Variants in LPCAT1 observed in about 807,000 individuals in gnomAD.
The protein encoded by LPCAT1 is lysophosphatidylcholine acyltransferase 1.
A neutral mutation model predicts 60.9 loss-of-function variants in LPCAT1; 23 were observed. The ratio of observed to expected loss-of-function variants is 0.38; its 90% CI spans 0.27 to 0.53. The LOEUF (loss-of-function observed/expected upper bound fraction) is 0.53. Among genes scored for constraint, LPCAT1 ranks in the 20% least tolerant of loss-of-function variants. The pLI is 0.82. For missense variants in LPCAT1, 622 were observed against 723.6 expected (o/e 0.86, Z 1.61); for synonymous variants, 340 against 301.1 (o/e 1.13, Z -1.34).
rs1207518595 is a variant in LPCAT1, at chr5:1,483,124, G to A, written c.726+304C>T. Among the ~76,000 whole-genome samples, 2 of 152,192 alleles carry A rather than the reference G, an allele frequency of 1.3e-5. No homozygotes were observed. Among genetic ancestry groups the A allele is most frequent in the African/African-American group, 2.4e-5 (1 of 41,448 alleles). On this transcript the variant is annotated intron_variant, in intron 6 of 13. Coordinates refer to ENST00000283415, the MANE Select transcript of LPCAT1 (RefSeq NM_024830.5). This position sits in a 1 kb window ranked among gnomAD's most constrained non-coding sequence, Gnocchi z 9.2. ...TGTCAGGTTTGGCACACAGAGGAAA[G>A]GGCAGCTTTGTCAGGAGCTATGGAA...
rs1017823521 is a variant in LPCAT1, at chr5:1,463,039, C to T, written c.*612G>A. ...AAAAAAAGGCCTATAAATAAATATC[C>T]TTTGACTCTAAAAGGAAAAATGAAG... On this transcript the variant is annotated 3_prime_UTR_variant, in exon 14 of 14. Coordinates refer to ENST00000283415, the MANE Select transcript of LPCAT1 (RefSeq NM_024830.5). The T allele has an allele frequency of 2.0e-5, 3 of 152,072 alleles. No homozygotes were observed. Among genetic ancestry groups the T allele is most frequent in the African/African-American group, 7.2e-5 (3 of 41,470 alleles). The allele number at this position is 152,072 out of a possible 1,614,324, so 9.4% of individuals were successfully genotyped here.
At chr5:1,515,396 C>T (rs1325806054) in intron 1 of LPCAT1, among the ~76,000 whole-genome samples, 1 of 152,022 alleles carries the variant, frequency 6.6e-6, no homozygotes, top group Non-Finnish European at 1.5e-5. Flanking sequence ...TGCAGGAGCC[C>T]ACAGCCTGCC....
At position 1,463,552 on chromosome 5, in the gene LPCAT1, C is replaced by T. The variant is rs989131486; in HGVS notation, c.*99G>A. ...ACTCGGGCTGAAGACAGTGCCTGTACAGCAGGAGTGAGGAGCGGAGCCCAG... is the reference window on the plus strand; with the variant it reads ...ACTCGGGCTGAAGACAGTGCCTGTATAGCAGGAGTGAGGAGCGGAGCCCAG... On this transcript the variant is annotated 3_prime_UTR_variant, in exon 14 of 14. Coordinates refer to ENST00000283415, the MANE Select transcript of LPCAT1 (RefSeq NM_024830.5). 3.0e-6 allele frequency: 4 copies of T among 1,325,282 alleles called. No homozygotes were observed. Among genetic ancestry groups the T allele is most frequent in the African/African-American group, 1.5e-5 (1 of 68,596 alleles). The allele number at this position is 1,325,282 out of a possible 1,614,324, so 82.1% of individuals were successfully genotyped here. A position where few individuals can be genotyped will look rare whatever the true frequency, so the allele number is the denominator to read the frequency against.
intron 1 of LPCAT1, among the ~76,000 whole-genome samples, chr5:1,520,351 G>C (rs1298993409): frequency 6.6e-6 from 1 of 152,192 alleles, no homozygotes; most frequent in Non-Finnish European, 1.5e-5. Flanking sequence ...AGGGCCACCA[G>C]GCAGGGAGGG....
intron 1 of LPCAT1, among the ~76,000 whole-genome samples, chr5:1,514,273 C>T (rs972544672): frequency 6.6e-6 from 1 of 152,220 alleles, no homozygotes; most frequent in Non-Finnish European, 1.5e-5. Flanking sequence ...GCCTCATCTG[C>T]CCAGTGAGCG....
Position 1,523,773 on chromosome 5 carries a change from C to T in LPCAT1, c.72G>A (p.Leu24=). 5.2e-6 allele frequency: 6 copies of T among 1,152,614 alleles called. No homozygotes were observed. The highest frequency in any genetic ancestry group is 6.4e-6 in the Non-Finnish European group (6 of 933,862). 71.4% of individuals were successfully genotyped at this position (1,152,614 alleles called of 1,614,324 possible). A position where few individuals can be genotyped will look rare whatever the true frequency, so the allele number is the denominator to read the frequency against. ...SSAGASDARL[L]APPGRNPFVH... ...CGAAGGGGTTCCGCCCCGGGGGCGC[C>T]AGCAGCCGAGCGTCGCTGGCCCCTG... is the stretch of plus-strand genomic sequence containing the variant. The change falls in exon 1 of 14, where the codon CTG becomes CTA. Residue 24 remains leucine (L), a synonymous_variant. Transcript: ENST00000283415. This position sits in a 1 kb window ranked among gnomAD's most constrained non-coding sequence, Gnocchi z 7.1.
In LPCAT1 at chr5:1,480,344, C is replaced by A. The variant is rs954073344; in HGVS notation, c.761+598G>T. On this transcript the variant is annotated intron_variant, in intron 7 of 13. Coordinates refer to ENST00000283415, the MANE Select transcript of LPCAT1 (RefSeq NM_024830.5). This position sits in a 1 kb window ranked among gnomAD's most constrained non-coding sequence, Gnocchi z 6.4. The stretch of plus-strand genomic sequence containing the variant: ...ACCAGCGGACCCACATCCTCCCAAA[C>A]GCCTGGAATGGAGCTGCTCTCTCTT... The A allele has an allele frequency of 5.4e-5, 53 of 985,278 alleles. No individual in the cohort carries two copies. In the African/African-American group the frequency reaches 8.9e-4, roughly 17 times the overall value. The allele number at this position is 985,278 out of a possible 1,614,324, so 61.0% of individuals were successfully genotyped here.
At chr5:1,465,961 G>A (rs976265065) in intron 13 of LPCAT1, among the ~76,000 whole-genome samples, 1 of 152,238 alleles carries the variant, frequency 6.6e-6, no homozygotes, top group Non-Finnish European at 1.5e-5. Context: ...AAACCAGTGC[G>A]CACATCCGCA....
chr5:1,505,792 A>G (rs1736167316), intron 1 of LPCAT1, among the ~76,000 whole-genome samples: 1 of 152,154 alleles, frequency 6.6e-6, no homozygotes, highest in South Asian at 2.1e-4. Context: ...TCACACGTCC[A>G]TGCATCCATG....
Position 1,489,846 on chromosome 5 carries a change from T to C in LPCAT1, c.506A>G (p.Tyr169Cys). Residue 169 changes from tyrosine to cysteine, a missense_variant, in exon 4 of 14, where the codon TAT becomes TGT. By Grantham distance (194) the Tyr-to-Cys change is radical. Around this residue, in one of 3 missense-constraint regions of LPCAT1, gnomAD observed 209 missense variants for 325.5 expected, o/e 0.64. Coordinates refer to ENST00000283415, the MANE Select transcript of LPCAT1 (RefSeq NM_024830.5). ...CCGGGACACGAACACAGGCCGTATA[T>C]ACTGGATCAGAGCTGGAAGAGAGGA... ...DIPIWGTLIQYIRPVFVSRSD... is the reference protein window; with the variant it reads ...DIPIWGTLIQCIRPVFVSRSD... 1.9e-6 allele frequency: 3 copies of C among 1,611,822 alleles called. No homozygotes were observed. The highest frequency in any genetic ancestry group is 2.5e-6 in the Non-Finnish European group (3 of 1,177,868).
Position 1,501,068 on chromosome 5 carries a change from G to A in LPCAT1, c.278+393C>T, listed in dbSNP as rs532152031. Among the ~76,000 whole-genome samples the A allele has an allele frequency of 3.9e-5, 6 of 152,378 alleles. No individual in the cohort carries two copies. The South Asian group carries it at 1.2e-3, about 32-fold the overall frequency. ...AGAGCTGAGGGTCTGAGGTGGGAGG[G>A]GTAAGGGGGCTGGCAGTCACAAAGC... On this transcript the variant is annotated intron_variant, in intron 2 of 13. Transcript: ENST00000283415.
intron 13 of LPCAT1, among the ~76,000 whole-genome samples, chr5:1,466,010 G>C (rs1579749728): frequency 6.6e-6 from 1 of 152,212 alleles, no homozygotes; most frequent in Admixed American, 6.5e-5. Context: ...TGTGCACGCA[G>C]CTCTCTCGCG....
At position 1,483,907 on chromosome 5, in the gene LPCAT1, C is replaced by G; in HGVS notation, c.668-421G>C. 6.6e-6 allele frequency among the ~76,000 whole-genome samples: 1 copy of G among 151,338 alleles called. No individual in the cohort carries two copies. The highest frequency in any genetic ancestry group is 1.5e-5 in the Non-Finnish European group (1 of 67,792). ...CATTGCGCACGAGCTGGAAGACATC[C>G]GTGGAGGGACACTTTCTGCTGTAAC... On this transcript the variant is annotated intron_variant, in intron 5 of 13. Transcript: ENST00000283415. The surrounding 1 kb of genome is among the most constrained non-coding windows in gnomAD (Gnocchi z 9.2).
At chr5:1,472,293 T>C (rs950932707) in intron 11 of LPCAT1, among the ~76,000 whole-genome samples, 3 of 152,108 alleles carry the variant, frequency 2.0e-5, no homozygotes, top group East Asian at 3.9e-4. Flanking sequence ...TGACCAGTAG[T>C]TGCCCCTCTA....
chr5:1,463,586 C>A lies in LPCAT1; in HGVS notation c.*65G>T. 6.4e-7 allele frequency: 1 copy of A among 1,567,040 alleles called. No individual in the cohort carries two copies. Among genetic ancestry groups the A allele is most frequent in the Non-Finnish European group, 8.7e-7 (1 of 1,149,714 alleles). ...TGAGGAGCGGAGCCCAGAGGTCACT[C>A]GCAAAGAGGCTCATGGCGGTGATGT... is the stretch of plus-strand genomic sequence containing the variant. On this transcript the variant is annotated 3_prime_UTR_variant, in exon 14 of 14. Coordinates refer to ENST00000283415, the MANE Select transcript of LPCAT1 (RefSeq NM_024830.5).
Position 1,521,608 on chromosome 5 carries a change from T to A in LPCAT1, c.135+2102A>T. 2.8e-6 allele frequency: 1 copy of A among 350,988 alleles called. No individual in the cohort carries two copies. Among genetic ancestry groups the A allele is most frequent in the Non-Finnish European group, 4.0e-6 (1 of 249,904 alleles). The allele number at this position is 350,988 out of a possible 1,614,324, so 21.7% of individuals were successfully genotyped here. The stretch of plus-strand genomic sequence containing the variant: ...ACCCTTGAGCCACACATTGCAGACA[T>A]CCAGCAGAAACGACTGGATGTACAA... On this transcript the variant is annotated intron_variant, in intron 1 of 13. Transcript: ENST00000283415. The surrounding 1 kb of genome is among the most constrained non-coding windows in gnomAD (Gnocchi z 4.3).
At chr5:1,489,921 G>C in intron 3 of LPCAT1, 63 bp from the exon 4 acceptor site, 1 of 1,191,288 alleles carries the variant, frequency 8.4e-7, no homozygotes, top group South Asian at 1.2e-5. Context: ...CAGGGCTGAG[G>C]AACGAGGGGG....
rs1735123428 is a variant in LPCAT1, at chr5:1,481,103, A to AG, written c.727-128dup. ...GAGGCGCTGCAGCCAGGGGGAAGGGAGGAGGGTGCTAGAGCTCCAGCTTCC... is the reference window on the plus strand; with the variant it reads ...GAGGCGCTGCAGCCAGGGGGAAGGGAGGGAGGGTGCTAGAGCTCCAGCTTCC... On this transcript the variant is annotated intron_variant, in intron 6 of 13. Coordinates refer to ENST00000283415, the MANE Select transcript of LPCAT1 (RefSeq NM_024830.5). The surrounding 1 kb of genome is among the most constrained non-coding windows in gnomAD (Gnocchi z 7.8). The AG allele has an allele frequency of 2.5e-6, 3 of 1,182,330 alleles. No individual in the cohort carries two copies. 73.2% of individuals were successfully genotyped at this position (1,182,330 alleles called of 1,614,324 possible).
Position 1,474,657 on chromosome 5 carries a change from T to TAC in LPCAT1, c.927_928insGT (p.Thr310ValfsTer24). The TAC allele has an allele frequency of 1.2e-6, 2 of 1,613,722 alleles. No homozygotes were observed. The highest frequency in any genetic ancestry group is 1.7e-6 in the Non-Finnish European group (2 of 1,179,940). On this transcript the variant is annotated frameshift_variant, in exon 10 of 14. Transcript: ENST00000283415. LOFTEE classifies it high-confidence loss of function. ...AGGGCCAGCTGGCAGTCCTCGAACG[T>TAC]GTAGTCAGTCACGGAGACACCCAAG... is the stretch of plus-strand genomic sequence containing the variant.
Sources: gnomAD v4.1 joint callset for allele counts (sites outside exome capture counted in the v4.1 genomes callset) on GRCh38, gnomAD v4.1.1 for gene constraint, gnomAD v4.1.1 regional missense constraint, Gnocchi (gnomAD v3.1) non-coding constraint, MANE v1.5 for transcripts, NCBI Gene and HGNC (gene_info 2026-07-23, HGNC 2026-07-21) for gene names.